FSTL5: variants seen among roughly 807,000 people sequenced by gnomAD.
The protein encoded by FSTL5 is follistatin-related protein 5.
FSTL5 carries 62 observed loss-of-function variants against 89.1 expected under a neutral mutation model. The observed-to-expected ratio is 0.70, with a 90% confidence interval of 0.57 to 0.86. The LOEUF is 0.86. FSTL5 is among the 40% of genes least tolerant of loss of function. The probability of loss-of-function intolerance (pLI) is 0.00; values close to 1 mark genes in which losing one functional copy is unlikely to be tolerated. For synonymous variants in FSTL5, 383 were observed against 346.2 expected, an observed-to-expected ratio of 1.11 and a Z score of -1.18; for missense variants, 1,057 against 1,001.6, an observed-to-expected ratio of 1.06 and a Z score of -0.75.
intron 10 of FSTL5, among the ~76,000 whole-genome samples, chr4:161,534,200 A>C (rs900151054): frequency 2.0e-5 from 3 of 152,136 alleles, no homozygotes; most frequent in Non-Finnish European, 2.9e-5. Context: ...CACTACTCCT[A>C]TTCAACATAG....
At chr4:161,878,997 A>G (rs548989664) in intron 4 of FSTL5, among the ~76,000 whole-genome samples, 9 of 152,284 alleles carry the variant, frequency 5.9e-5, no homozygotes, top group African/African-American at 1.7e-4. Context: ...TAAAATTTAC[A>G]TACTGTATTT....
chr4:161,972,567 C>T (rs899172193), intron 3 of FSTL5, among the ~76,000 whole-genome samples: 9 of 152,048 alleles, frequency 5.9e-5, no homozygotes, highest in African/African-American at 2.2e-4. Flanking sequence ...GAACCAAGGC[C>T]CCTAGTGGAA....
chr4:162,098,924 A>C (rs1730875077), intron 2 of FSTL5, among the ~76,000 whole-genome samples: 3 of 152,100 alleles, frequency 2.0e-5, no homozygotes, highest in African/African-American at 7.2e-5. Context: ...CCTTCACAAA[A>C]ATTAACTCAA....
chr4:161,974,697 G>A (rs1735582652), intron 3 of FSTL5, among the ~76,000 whole-genome samples: 1 of 118,286 alleles, frequency 8.5e-6, no homozygotes, highest in Non-Finnish European at 1.7e-5. Context: ...CATGGGCAAG[G>A]ACTTCATGTC....
chr4:161,823,146 C>A (rs912151963), intron 4 of FSTL5, among the ~76,000 whole-genome samples: 1 of 152,138 alleles, frequency 6.6e-6, no homozygotes, highest in Non-Finnish European at 1.5e-5. Context: ...ACCATAAGTT[C>A]TTACCTTGGA....
intron 12 of FSTL5, among the ~76,000 whole-genome samples, chr4:161,485,082 C>T (rs376986770): frequency 7.2e-5 from 11 of 152,260 alleles, no homozygotes; most frequent in African/African-American, 2.6e-4. Context: ...CCAACTACAA[C>T]TATTCATTTA....
intron 7 of FSTL5, among the ~76,000 whole-genome samples, chr4:161,654,668 T>A (rs1271965021): frequency 6.6e-6 from 1 of 151,996 alleles, no homozygotes; most frequent in Non-Finnish European, 1.5e-5. Context: ...CCAATAGGAG[T>A]TTGGGCTTGC....
At chr4:162,027,365 T>C (rs1205012172) in intron 3 of FSTL5, among the ~76,000 whole-genome samples, 3 of 152,144 alleles carry the variant, frequency 2.0e-5, no homozygotes, top group South Asian at 2.1e-4. Flanking sequence ...TAATGTTTTA[T>C]AGAATTGTTA....
intron 4 of FSTL5, among the ~76,000 whole-genome samples, chr4:161,783,745 TTTCTTTC>T (rs1741779686): frequency 9.0e-6 from 1 of 110,616 alleles, no homozygotes; most frequent in Non-Finnish European, 1.8e-5. Context: ...TCTTTCTTTC[TTTCTTTC>T]TTTCTTTCCT....
chr4:161,398,782 C>CA (rs1310036031), intron 15 of FSTL5, among the ~76,000 whole-genome samples: 1 of 151,944 alleles, frequency 6.6e-6, no homozygotes, highest in Non-Finnish European at 1.5e-5. Context: ...AAGGTTATTC[C>CA]ACATATGTCT....
In FSTL5 at chr4:161,710,717, C is replaced by A. The variant is rs188259164; in HGVS notation, c.727+48694G>T. ...CTCTGCCTTTTATTGAGTCATGTTC[C>A]CATCATTGTGGGGGAAGAATGCAAT... is the stretch of plus-strand genomic sequence containing the variant. On this transcript the variant is annotated intron_variant, in intron 6 of 15. Coordinates refer to ENST00000306100, the MANE Select transcript of FSTL5 (RefSeq NM_020116.5). Among the ~76,000 whole-genome samples the A allele has an allele frequency of 1.2e-4, 19 of 152,190 alleles. No homozygotes were observed. In the East Asian group the frequency reaches 2.3e-3, roughly 19 times the overall value.
intron 6 of FSTL5, among the ~76,000 whole-genome samples, chr4:161,689,708 T>C (rs1213392209): frequency 6.6e-6 from 1 of 152,168 alleles, no homozygotes; most frequent in African/African-American, 2.4e-5. Context: ...GCATTCAGTA[T>C]ATTCACAATG....
At chr4:162,071,047 A>G (rs935783450) in intron 2 of FSTL5, among the ~76,000 whole-genome samples, 2 of 151,812 alleles carry the variant, frequency 1.3e-5, no homozygotes, top group African/African-American at 4.8e-5. Flanking sequence ...ATCAACCCAC[A>G]AAAATAAATT....
chr4:161,539,901 CCT>C (rs1491123700), intron 9 of FSTL5, among the ~76,000 whole-genome samples: 1 of 64,466 alleles, frequency 1.6e-5, no homozygotes, highest in Non-Finnish European at 2.7e-5. Context: ...CAAAATCATA[CCT>C]TTTTTTTTTT....
At chr4:161,598,211 C>T (rs1430164366) in intron 7 of FSTL5, among the ~76,000 whole-genome samples, 1 of 151,930 alleles carries the variant, frequency 6.6e-6, no homozygotes, top group African/African-American at 2.4e-5. Context: ...TCCATCTCTA[C>T]TAAAAATACA....
At chr4:161,968,784 T>A (rs999531189) in intron 3 of FSTL5, among the ~76,000 whole-genome samples, 1 of 152,080 alleles carries the variant, frequency 6.6e-6, no homozygotes, top group Non-Finnish European at 1.5e-5. Flanking sequence ...AAGTTAATAT[T>A]TGGTTTATAT....
chr4:161,574,616 G>C lies in FSTL5; in HGVS notation c.1015+12839C>G, dbSNP rs978556644. On this transcript the variant is annotated intron_variant, in intron 8 of 15. Transcript: ENST00000306100. ...TTATGAGTGAGAACATACGGTGTTT[G>C]GTTTTCTATTCCTGTGTTAGTTTGC... Among the ~76,000 whole-genome samples, 36 of 152,148 alleles carry C rather than the reference G, an allele frequency of 2.4e-4. 1 individual carries two copies. The highest frequency in any genetic ancestry group is 2.3e-3 in the Admixed American group (35 of 15,280).
intron 3 of FSTL5, among the ~76,000 whole-genome samples, chr4:161,997,601 CTTTTTTT>C (rs60978465): frequency 0.45 from 57,934 of 129,332 alleles, 11,710 homozygotes; most frequent in Middle Eastern, 0.61. Flanking sequence ...TACATGTTAT[CTTTTTTT>C]TTTTTTTTTT....
At chr4:161,563,072 C>CCCCG (rs1361660916) in intron 8 of FSTL5, among the ~76,000 whole-genome samples, 2 of 151,884 alleles carry the variant, frequency 1.3e-5, no homozygotes, top group Non-Finnish European at 2.9e-5. Context: ...GTGGCTGTGT[C>CCCCG]CCCGCATTCA....
Sources: allele counts gnomAD v4.1 joint callset (sites outside exome capture counted in the v4.1 genomes callset), GRCh38; gene constraint gnomAD v4.1.1; transcripts MANE v1.5; gene names NCBI Gene and HGNC (gene_info 2026-07-23, HGNC 2026-07-21).